HEATR5B: variants seen among roughly 807,000 people sequenced by gnomAD.
The protein encoded by HEATR5B is HEAT repeat containing 5B, also known as HEAT repeat-containing protein 5B.
A neutral mutation model predicts 224.1 loss-of-function variants in HEATR5B; 156 were observed. The observed-to-expected ratio is 0.70, with a 90% CI of 0.61 to 0.80. The LOEUF (loss-of-function observed/expected upper bound fraction) is 0.80. Ranked by LOEUF, HEATR5B falls within the 30% of genes least tolerant of loss-of-function variation. HEATR5B has a pLI of 0.00. For missense variants in HEATR5B, 2,323 were observed against 2,535.5 expected, an observed-to-expected ratio of 0.92 and a Z score of 1.80; for synonymous variants, 1,027 against 893.0, an observed-to-expected ratio of 1.15 and a Z score of -2.68.
chr2:37,066,808 TAATA>T (rs1311462102), intron 8 of HEATR5B, among the ~76,000 whole-genome samples: 2 of 152,172 alleles, frequency 1.3e-5, no homozygotes, highest in Non-Finnish European at 2.9e-5. Context: ...CATTATTAAT[TAATA>T]GACTATAAAA....
intron 35 of HEATR5B, among the ~76,000 whole-genome samples, chr2:36,982,243 T>C (rs1405738588): frequency 3.3e-5 from 5 of 152,202 alleles, no homozygotes; most frequent in Non-Finnish European, 7.3e-5. Context: ...ATACAACTTT[T>C]TTCCTATTTC....
chr2:37,042,703 C>A (rs1456598744), intron 18 of HEATR5B, among the ~76,000 whole-genome samples: 1 of 151,972 alleles, frequency 6.6e-6, no homozygotes, highest in Non-Finnish European at 1.5e-5. Context: ...ACCAGCCTGG[C>A]CAAAATGGTG....
At position 37,011,156 on chromosome 2, in the gene HEATR5B, G is replaced by A. The variant is rs114538660; in HGVS notation, c.4285-2308C>T. ...TATGCAATGAGTGAATGAATCTCAG[G>A]GAACATCACAGATAAACGAATCTTA... On this transcript the variant is annotated intron_variant, in intron 27 of 35. Coordinates refer to ENST00000233099, the MANE Select transcript of HEATR5B (RefSeq NM_019024.3). 7.2e-3 allele frequency among the ~76,000 whole-genome samples: 1,097 copies of A among 152,254 alleles called. 7 individuals carry two copies. The highest frequency in any genetic ancestry group is 0.013 in the Non-Finnish European group (917 of 68,008).
intron 19 of HEATR5B, chr2:37,040,882 A>G: frequency 4.8e-6 from 2 of 420,368 alleles, no homozygotes; most frequent in Non-Finnish European, 8.3e-6. Flanking sequence ...AAAGAGGAAA[A>G]AAGTACACAG....
At chr2:36,984,215 A>AAAAAAAAAAAATATATATATAT in intron 35 of HEATR5B, among the ~76,000 whole-genome samples, 2 of 77,640 alleles carry the variant, frequency 2.6e-5, no homozygotes, top group African/African-American at 5.9e-5. Flanking sequence ...AAAAAAAAAA[A>AAAAAAAAAAAATATATATATAT]ATATATATAT....
intron 28 of HEATR5B, 56 bp from the exon 29 acceptor site, chr2:37,007,360 T>C (rs1444907295): frequency 3.5e-6 from 5 of 1,423,874 alleles, no homozygotes; most frequent in Non-Finnish European, 4.6e-6. Flanking sequence ...TTTTTTTTTT[T>C]TGAGACCAAG....
intron 15 of HEATR5B, 49 bp downstream of exon 15, chr2:37,057,268 C>T: frequency 7.2e-7 from 1 of 1,385,562 alleles, no homozygotes; most frequent in South Asian, 1.4e-5. Flanking sequence ...TGTAATAGGA[C>T]CATTGTTTCA....
chr2:37,038,918 G>GT (rs1553313678), intron 20 of HEATR5B, among the ~76,000 whole-genome samples: 1 of 144,616 alleles, frequency 6.9e-6, no homozygotes, highest in African/African-American at 2.6e-5. Flanking sequence ...GGGGGGGGTG[G>GT]GGAATCACAT....
chr2:37,007,561 T>G (rs1667510526), intron 28 of HEATR5B, among the ~76,000 whole-genome samples: 1 of 151,892 alleles, frequency 6.6e-6, no homozygotes, highest in Non-Finnish European at 1.5e-5. Flanking sequence ...GCCAGGCTGG[T>G]CTCAAACTCT....
intron 4 of HEATR5B, chr2:37,076,249 A>G (rs1181465952): frequency 2.0e-5 from 3 of 152,300 alleles, no homozygotes; most frequent in African/African-American, 7.2e-5. Context: ...CTGACAAATA[A>G]TAAGTCCTCA....
At chr2:37,012,463 T>G (rs1447554365) in intron 27 of HEATR5B, among the ~76,000 whole-genome samples, 2 of 152,144 alleles carry the variant, frequency 1.3e-5, no homozygotes, top group Middle Eastern at 3.2e-3. Context: ...TGATCTTGGC[T>G]CACTGCAATC....
At chr2:37,058,683 T>C in intron 13 of HEATR5B, 123 bp from the exon 14 acceptor site, 2 of 726,108 alleles carry the variant, frequency 2.8e-6, no homozygotes, top group Non-Finnish European at 4.6e-6. Context: ...CATTTTAGCT[T>C]ATGTTGTGAT....
At chr2:37,074,835 CAAT>C (rs1394947346) in intron 5 of HEATR5B, among the ~76,000 whole-genome samples, 2 of 152,190 alleles carry the variant, frequency 1.3e-5, no homozygotes, top group East Asian at 1.9e-4. Context: ...ATTAAAGCCA[CAAT>C]GAGATACCAT....
chr2:37,010,530 T>C (rs1667720085), intron 27 of HEATR5B, among the ~76,000 whole-genome samples: 1 of 105,202 alleles, frequency 9.5e-6, no homozygotes, highest in South Asian at 3.9e-4. Flanking sequence ...TTTTTTTTTT[T>C]GAGATGGGAG....
Position 37,072,165 on chromosome 2 carries a change from C to A in HEATR5B, c.714G>T (p.Val238=). ...ENSNYGVRVA[V]SKLLGTVMAT... is the part of the protein sequence containing the mutation. ...CCATGACTGTTCCTAAAAGTTTAGA[C>A]ACTGCCACTCGTACCCCATAATTTG... The change falls in exon 6 of 36, where the codon GTG becomes GTT. Residue 238 remains valine, a synonymous_variant. Coordinates refer to ENST00000233099, the MANE Select transcript of HEATR5B (RefSeq NM_019024.3). 6.2e-7 allele frequency: 1 copy of A among 1,614,062 alleles called. No individual in the cohort carries two copies. Among genetic ancestry groups the A allele is most frequent in the Non-Finnish European group, 8.5e-7 (1 of 1,179,924 alleles).
At chr2:37,020,619 T>A in intron 25 of HEATR5B, 36 bp downstream of exon 25, 1 of 1,443,484 alleles carries the variant, frequency 6.9e-7, no homozygotes, top group African/African-American at 1.4e-5. Flanking sequence ...TTTCAAAAGA[T>A]CAATTTTAAG....
intron 35 of HEATR5B, among the ~76,000 whole-genome samples, chr2:36,984,133 G>A (rs1665768960): frequency 7.1e-6 from 1 of 141,096 alleles, no homozygotes; most frequent in Non-Finnish European, 1.5e-5. Context: ...TCGGGAGGCG[G>A]AGGTTGCAGT....
chr2:37,053,462 A>G (rs1670687534), intron 17 of HEATR5B, 40 bp downstream of exon 17: 2 of 1,160,150 alleles, frequency 1.7e-6, no homozygotes, highest in Non-Finnish European at 1.2e-6. Context: ...TGCATTAATT[A>G]AAAACTTATT....
chr2:37,023,997 G>A (rs570773400), intron 24 of HEATR5B, among the ~76,000 whole-genome samples: 21 of 152,222 alleles, frequency 1.4e-4, no homozygotes, highest in Admixed American at 2.6e-4. Context: ...CAATAACTGA[G>A]ATATGAACCA....
Sources: gnomAD v4.1 joint callset for allele counts (sites outside exome capture counted in the v4.1 genomes callset) on GRCh38, gnomAD v4.1.1 for gene constraint, MANE v1.5 for transcripts, NCBI Gene and HGNC (gene_info 2026-07-23, HGNC 2026-07-21) for gene names.